Variants in PCDHGA5 observed in about 807,000 individuals in gnomAD.
PCDHGA5 encodes protocadherin gamma-A5.
In PCDHGA5, 36 loss-of-function variants were observed where a neutral mutation model predicts 56.7. The ratio of observed to expected loss-of-function variants is 0.64; its 90% CI spans 0.49 to 0.84. The LOEUF (loss-of-function observed/expected upper bound fraction) is 0.84. PCDHGA5 is among the 40% of genes least tolerant of loss of function. The probability of loss-of-function intolerance (pLI) is 0.00; values close to 1 mark genes in which losing one functional copy is unlikely to be tolerated. For synonymous variants in PCDHGA5, 563 were observed against 520.2 expected, an observed-to-expected ratio of 1.08 and a Z score of -1.12; for missense variants, 1,305 against 1,201.5, an observed-to-expected ratio of 1.09 and a Z score of -1.27.
rs551482869 is a variant in PCDHGA5, at chr5:141,372,722, A to G, written c.2421+5971A>G. On this transcript the variant is annotated intron_variant, in intron 1 of 3. Coordinates refer to ENST00000518069, the MANE Select transcript of PCDHGA5 (RefSeq NM_018918.3). ...TCAATATAAAGGCTGAAAATGCTGCACCACAAGATCTTCTATGTGATGAAG... is the reference window on the plus strand; with the variant it reads ...TCAATATAAAGGCTGAAAATGCTGCGCCACAAGATCTTCTATGTGATGAAG... The G allele has an allele frequency of 2.5e-6, 4 of 1,613,930 alleles. 1 individual carries two copies. In the South Asian group the frequency reaches 4.4e-5, roughly 18 times the overall value.
chr5:141,374,118 AGCAGGTCCT>A lies in PCDHGA5; in HGVS notation c.2421+7370_2421+7378del, dbSNP rs761650555. On this transcript the variant is annotated intron_variant, in intron 1 of 3. Coordinates refer to ENST00000518069, the MANE Select transcript of PCDHGA5 (RefSeq NM_018918.3). ...CCGCAGAGGCATCCGCAGCGCAGCG[AGCAGGTCCT>A]GCTCCTCACGCTCCTGGGGACGCTG... 3.3e-5 allele frequency: 52 copies of A among 1,589,674 alleles called. 1 individual carries two copies. In the South Asian group the frequency reaches 5.5e-4, roughly 17 times the overall value.
intron 1 of PCDHGA5, among the ~76,000 whole-genome samples, chr5:141,458,009 G>T (rs1039110082): frequency 2.6e-5 from 4 of 152,142 alleles, no homozygotes; most frequent in Non-Finnish European, 4.4e-5. Context: ...AAAATAACCG[G>T]TTTTTCCAAT....
intron 1 of PCDHGA5, chr5:141,378,634 T>C (rs1775059163): frequency 6.6e-6 from 1 of 152,196 alleles, no homozygotes; most frequent in African/African-American, 2.4e-5. Context: ...GACTGGTGAA[T>C]GGGAGAACAA....
chr5:141,459,302 A>G (rs1401348885), intron 1 of PCDHGA5, among the ~76,000 whole-genome samples: 1 of 152,328 alleles, frequency 6.6e-6, no homozygotes, highest in Admixed American at 6.5e-5. Context: ...CCTATAACAT[A>G]TACTATTTTG....
Position 141,489,463 on chromosome 5 carries a change from T to C in PCDHGA5, c.2422-5344T>C. ...GGGCTCTGAGGAGAATGGGCGCTAT[T>C]TTTCCCTGAGCTTGATGAGTGGTGC... On this transcript the variant is annotated intron_variant, in intron 1 of 3. Transcript: ENST00000518069. This position sits in a 1 kb window ranked among gnomAD's most constrained non-coding sequence, Gnocchi z 4.5. 6.2e-7 allele frequency: 1 copy of C among 1,614,050 alleles called. No individual in the cohort carries two copies. The highest frequency in any genetic ancestry group is 8.5e-7 in the Non-Finnish European group (1 of 1,180,002).
chr5:141,432,685 C>T lies in PCDHGA5; in HGVS notation c.2422-62122C>T, dbSNP rs1561863583. 1 of 1,613,932 alleles carries T rather than the reference C, an allele frequency of 6.2e-7. No individual in the cohort carries two copies. The highest frequency in any genetic ancestry group is 1.7e-5 in the Admixed American group (1 of 60,020). ...ACAGAGACGCGCTCAAGCAGAGCCT[C>T]GTAGTGGCCGTCCAGGACCACGGCC... On this transcript the variant is annotated intron_variant, in intron 1 of 3. Coordinates refer to ENST00000518069, the MANE Select transcript of PCDHGA5 (RefSeq NM_018918.3). This position sits in a 1 kb window ranked among gnomAD's most constrained non-coding sequence, Gnocchi z 6.0.
chr5:141,397,919 C>T (rs1158998805), intron 1 of PCDHGA5: 12 of 723,342 alleles, frequency 1.7e-5, no homozygotes, highest in Non-Finnish European at 2.2e-5. Context: ...TCCAGATCTC[C>T]TCGCGCAGCC....
rs200317374 is a variant in PCDHGA5, at chr5:141,408,395, A to C, written c.2421+41644A>C. 29 of 1,613,856 alleles carry C rather than the reference A, an allele frequency of 1.8e-5. No homozygotes were observed. The South Asian group carries it at 3.0e-4, about 16-fold the overall frequency. On this transcript the variant is annotated intron_variant, in intron 1 of 3. Transcript: ENST00000518069. ...CAGTGTCCTGGATGTGTCGGCTCGC[A>C]AGCTGCGAGTGAGCGCGGAGAAGCT...
At chr5:141,374,703 T>C in intron 1 of PCDHGA5, 1 of 1,609,272 alleles carries the variant, frequency 6.2e-7, no homozygotes, top group Non-Finnish European at 8.5e-7. Flanking sequence ...GGAGAAGCCG[T>C]TTACCGCCTG....
At chr5:141,500,355 C>G (rs539892249) in intron 2 of PCDHGA5, among the ~76,000 whole-genome samples, 2 of 151,912 alleles carry the variant, frequency 1.3e-5, no homozygotes, top group Non-Finnish European at 2.9e-5. Flanking sequence ...ACTACAGGCG[C>G]CCACTACCAC....
chr5:141,405,746 G>A (rs1174743960), intron 1 of PCDHGA5, among the ~76,000 whole-genome samples: 1 of 152,108 alleles, frequency 6.6e-6, no homozygotes, highest in Non-Finnish European at 1.5e-5. Context: ...CCAAAGCACT[G>A]GGATTACAGG....
chr5:141,422,539 C>G, intron 1 of PCDHGA5: 1 of 1,613,994 alleles, frequency 6.2e-7, no homozygotes, highest in Non-Finnish European at 8.5e-7. Flanking sequence ...TGCAGAAACT[C>G]ATGTCTGGCT....
intron 1 of PCDHGA5, chr5:141,399,854 G>T (rs747617678): frequency 6.2e-7 from 1 of 1,612,904 alleles, no homozygotes; most frequent in Non-Finnish European, 8.5e-7. Flanking sequence ...ATGGTGCCGC[G>T]CGCTGCAGAG....
chr5:141,505,249 G>T, intron 2 of PCDHGA5, 144 bp from the exon 3 acceptor site: 1 of 1,447,748 alleles, frequency 6.9e-7, no homozygotes, highest in Non-Finnish European at 9.2e-7. Flanking sequence ...GATTGTAGAA[G>T]TGCCTCCTAC....
rs1011504923 is a variant in PCDHGA5, at chr5:141,408,109, C to A, written c.2421+41358C>A. ...GGATTGCCAGCTCCGAGACCCGGGA[C>A]TCCTCCTGTCCTGGGCCGAATGCTC... is the stretch of plus-strand genomic sequence containing the variant. On this transcript the variant is annotated intron_variant, in intron 1 of 3. Transcript: ENST00000518069. 6 of 1,445,662 alleles carry A rather than the reference C, an allele frequency of 4.2e-6. No homozygotes were observed. In the African/African-American group the frequency reaches 5.7e-5, roughly 14 times the overall value. 89.6% of individuals were successfully genotyped at this position (1,445,662 alleles called of 1,614,324 possible). A position where few individuals can be genotyped will look rare whatever the true frequency, so the allele number is the denominator to read the frequency against.
chr5:141,412,976 A>C (rs2095594590), intron 1 of PCDHGA5: 1 of 535,900 alleles, frequency 1.9e-6, no homozygotes. Context: ...GAGAAAACGC[A>C]GCCAGAGCTC....
chr5:141,470,791 A>G (rs1234712958), intron 1 of PCDHGA5, among the ~76,000 whole-genome samples: 3 of 152,152 alleles, frequency 2.0e-5, no homozygotes, highest in African/African-American at 7.2e-5. Context: ...GGGCTCAAGC[A>G]ATCCTCCCAC....
chr5:141,399,252 TG>T, intron 1 of PCDHGA5: 1 of 1,613,778 alleles, frequency 6.2e-7, no homozygotes, highest in Non-Finnish European at 8.5e-7. Context: ...CTGGGGAAAA[TG>T]GGGAGGTTAA....
chr5:141,482,510 T>A (rs2099563292), intron 1 of PCDHGA5, among the ~76,000 whole-genome samples: 3 of 121,012 alleles, frequency 2.5e-5, no homozygotes, highest in African/African-American at 3.5e-5. Context: ...GTACCCAGAG[T>A]ACAGTATGAG....
Sources: gnomAD v4.1 joint callset for allele counts (sites outside exome capture counted in the v4.1 genomes callset) on GRCh38, gnomAD v4.1.1 for gene constraint, Gnocchi (gnomAD v3.1) non-coding constraint, MANE v1.5 for transcripts, NCBI Gene and HGNC (gene_info 2026-07-23, HGNC 2026-07-21) for gene names.